The following ATP7B variants were observed in gnomAD, a reference collection of about 807,000 sequenced individuals.
The protein encoded by ATP7B is copper-transporting ATPase 2.
Under a neutral mutation model 118.9 loss-of-function variants are expected in ATP7B, and 113 were observed. That is an observed-to-expected ratio of 0.95 (90% CI 0.82 to 1.11). The LOEUF is 1.11. Ranked by LOEUF, ATP7B falls within the 50% of genes most tolerant of loss-of-function variation. The pLI is 0.00. For synonymous variants in ATP7B, 777 were observed against 727.4 expected (o/e 1.07, Z -1.10); for missense variants, 1,867 against 1,871.4 (o/e 1.00, Z 0.04).
Position 51,961,962 on chromosome 13 carries a change from T to C in ATP7B, c.1870-49A>G, listed in dbSNP as rs1429105377. 1 of 1,502,120 alleles carries C rather than the reference T, an allele frequency of 6.7e-7. No individual in the cohort carries two copies. Among genetic ancestry groups the C allele is most frequent in the Non-Finnish European group, 9.3e-7 (1 of 1,078,542 alleles). 93.0% of individuals were successfully genotyped at this position (1,502,120 alleles called of 1,614,324 possible). ...GGGGAAAAAGGAGGAAGGTACTTGG[T>C]TAAAATATGCATTGGCAGAAAGCAC... On this transcript the variant is annotated intron_variant, in intron 5 of 20. Coordinates refer to ENST00000242839, the MANE Select transcript of ATP7B (RefSeq NM_000053.4).
intron 1 of ATP7B, among the ~76,000 whole-genome samples, chr13:52,008,854 T>C (rs757912539): frequency 5.3e-5 from 8 of 149,972 alleles, no homozygotes; most frequent in Non-Finnish European, 7.4e-5. Context: ...ATCCCTATCT[T>C]ATTCCCTTAT....
At chr13:52,005,068 C>T (rs532991548) in intron 1 of ATP7B, among the ~76,000 whole-genome samples, 28 of 152,324 alleles carry the variant, frequency 1.8e-4, no homozygotes, top group Non-Finnish European at 1.8e-4. Flanking sequence ...GACCCATAGA[C>T]CTGCTGGCGG....
In ATP7B at chr13:51,974,900, A is replaced by G; in HGVS notation, c.320T>C (p.Val107Ala). ...SATVKYVPSV[V>A]CLQQVCHQIG... is the part of the protein sequence containing the mutation. ...TTGATGGCAAACCTGTTGCAGGCAC[A>G]CAACCGATGGCACATATTTCACAGT... Residue 107 changes from valine (V) to alanine (A), a missense_variant, in exon 2 of 21, where the codon GTG (valine) becomes GCG (alanine). Physicochemically the swap from Val to Ala is moderately conservative, Grantham distance 64 (BLOSUM62 0). Coordinates refer to ENST00000242839, the MANE Select transcript of ATP7B (RefSeq NM_000053.4). 6.2e-7 allele frequency: 1 copy of G among 1,614,244 alleles called. No individual in the cohort carries two copies. The highest frequency in any genetic ancestry group is 8.5e-7 in the Non-Finnish European group (1 of 1,180,044).
At chr13:51,967,936 C>A (rs1951643958) in intron 4 of ATP7B, among the ~76,000 whole-genome samples, 1 of 152,242 alleles carries the variant, frequency 6.6e-6, no homozygotes, top group Non-Finnish European at 1.5e-5. Context: ...CAATCACTAC[C>A]TGGAGCATTC....
chr13:51,958,217 G>A, intron 8 of ATP7B, 94 bp downstream of exon 8: 1 of 1,380,886 alleles, frequency 7.2e-7, no homozygotes, highest in South Asian at 1.2e-5. Context: ...TCTCTATGCT[G>A]TGTATAATTA....
At chr13:51,966,109 G>A (rs764363385) in intron 4 of ATP7B, among the ~76,000 whole-genome samples, 1 of 152,152 alleles carries the variant, frequency 6.6e-6, no homozygotes, top group Non-Finnish European at 1.5e-5. Context: ...GTACTTCTCT[G>A]CTCTCCTTTT....
Position 51,950,317 on chromosome 13 carries a change from T to A in ATP7B, c.2530A>T (p.Lys844Ter), listed in dbSNP as rs780292767. ...VPGGKFPVDG[K>*]VLEGNTMADE... The stretch of plus-strand genomic sequence containing the variant: ...GCCATGGTATTGCCTTCCAGGACTT[T>A]CCCATCCACTGGAAACTTTCCCCCA... Residue 844 changes from lysine to a stop codon, truncating the protein, a stop_gained, in exon 10 of 21, where the codon AAA (lysine) becomes TAA (stop). Coordinates refer to ENST00000242839, the MANE Select transcript of ATP7B (RefSeq NM_000053.4). LOFTEE classifies it high-confidence loss of function. The A allele has an allele frequency of 6.8e-6, 11 of 1,614,138 alleles. No individual in the cohort carries two copies. The highest frequency in any genetic ancestry group is 9.3e-6 in the Non-Finnish European group (11 of 1,180,028).
chr13:51,987,589 G>A (rs900654384), intron 1 of ATP7B, among the ~76,000 whole-genome samples: 1 of 152,146 alleles, frequency 6.6e-6, no homozygotes, highest in Non-Finnish European at 1.5e-5. Flanking sequence ...AACCAAAAAA[G>A]AGCCCAGATA....
At chr13:51,981,680 A>G (rs1952429347) in intron 1 of ATP7B, among the ~76,000 whole-genome samples, 2 of 152,312 alleles carry the variant, frequency 1.3e-5, no homozygotes, top group South Asian at 4.1e-4. Flanking sequence ...GGAAGAATCA[A>G]TGTCCCATAT....
intron 1 of ATP7B, among the ~76,000 whole-genome samples, chr13:51,976,926 G>C (rs149499749): frequency 3.6e-4 from 55 of 152,302 alleles, no homozygotes; most frequent in African/African-American, 1.1e-3. Context: ...GAAGACTTAG[G>C]ACACTGCACT....
chr13:51,972,737 C>T (rs181497538), intron 2 of ATP7B, among the ~76,000 whole-genome samples: 39 of 152,306 alleles, frequency 2.6e-4, no homozygotes, highest in East Asian at 2.3e-3. Context: ...TAGTGGCTCA[C>T]GCCTGCAATC....
chr13:51,962,356 C>A (rs74087023), intron 5 of ATP7B, among the ~76,000 whole-genome samples: 1,887 of 152,322 alleles, frequency 0.012, 49 homozygotes, highest in African/African-American at 0.043. Flanking sequence ...AACTCGGCTC[C>A]TTCAGCATTT....
chr13:51,948,971 G>C (rs746876292), intron 12 of ATP7B, among the ~76,000 whole-genome samples: 6 of 152,190 alleles, frequency 3.9e-5, no homozygotes, highest in Non-Finnish European at 8.8e-5. Flanking sequence ...CCTGAGGTCA[G>C]GAGTTCGAAG....
chr13:51,990,574 G>A (rs917375144), intron 1 of ATP7B, among the ~76,000 whole-genome samples: 3 of 152,214 alleles, frequency 2.0e-5, no homozygotes, highest in African/African-American at 7.2e-5. Flanking sequence ...ACTAATGTTT[G>A]TATCCAGCAG....
chr13:51,994,834 T>A (rs1953119505), intron 1 of ATP7B, among the ~76,000 whole-genome samples: 1 of 152,214 alleles, frequency 6.6e-6, no homozygotes, highest in Non-Finnish European at 1.5e-5. Context: ...ACACCACCAG[T>A]CTGCTCAGAA....
chr13:51,991,917 C>G (rs1284522224), intron 1 of ATP7B, among the ~76,000 whole-genome samples: 1 of 152,182 alleles, frequency 6.6e-6, no homozygotes, highest in Non-Finnish European at 1.5e-5. Context: ...CTTAGCCCTG[C>G]TCACATCAGC....
At chr13:51,999,474 G>A (rs928560991) in intron 1 of ATP7B, among the ~76,000 whole-genome samples, 1 of 152,154 alleles carries the variant, frequency 6.6e-6, no homozygotes, top group Non-Finnish European at 1.5e-5. Flanking sequence ...AACTGCACTT[G>A]GCTGAACAGT....
chr13:51,975,314 G>T, intron 1 of ATP7B, 146 bp from the exon 2 acceptor site: 2 of 1,095,176 alleles, frequency 1.8e-6, no homozygotes, highest in Non-Finnish European at 2.8e-6. Flanking sequence ...TACACAGAAA[G>T]CAAGCTAAAG....
intron 5 of ATP7B, among the ~76,000 whole-genome samples, chr13:51,963,430 T>C (rs541728650): frequency 6.6e-6 from 1 of 152,066 alleles, no homozygotes; most frequent in African/African-American, 2.4e-5. Flanking sequence ...GCATGATCAT[T>C]TCCATGTCAA....
Sources: allele counts gnomAD v4.1 joint callset (sites outside exome capture counted in the v4.1 genomes callset), GRCh38; gene constraint gnomAD v4.1.1; transcripts MANE v1.5; gene names NCBI Gene and HGNC (gene_info 2026-07-23, HGNC 2026-07-21).